TENM4: variants seen among roughly 807,000 people sequenced by gnomAD.
The protein encoded by TENM4 is teneurin-4.
A neutral mutation model predicts 243.3 loss-of-function variants in TENM4; 82 were observed. The ratio of observed to expected loss-of-function variants is 0.34; its 90% CI spans 0.28 to 0.40. The LOEUF is 0.40. Among genes scored for constraint, TENM4 ranks in the 10% least tolerant of loss-of-function variants. The pLI, the probability that TENM4 is intolerant of heterozygous loss-of-function variation, is 1.00. For synonymous variants in TENM4, 1,412 were observed against 1,456.3 expected (o/e 0.97, Z 0.69); for missense variants, 3,138 against 3,673.3 (o/e 0.85, Z 3.77).
At chr11:79,437,353 A>G (rs1341197025) in intron 1 of TENM4, among the ~76,000 whole-genome samples, 1 of 152,220 alleles carries the variant, frequency 6.6e-6, no homozygotes, top group African/African-American at 2.4e-5. Flanking sequence ...CTGAAAGCCC[A>G]ACTGCAGAGC....
intron 6 of TENM4, among the ~76,000 whole-genome samples, chr11:78,948,944 G>A (rs1009596477): frequency 2.0e-5 from 3 of 152,200 alleles, no homozygotes; most frequent in East Asian, 1.9e-4. Context: ...GTGATGAGAC[G>A]TACATCTTAC....
At chr11:79,113,392 G>GGTGTGTGTGTGTGTGTGTGTGT (rs113144339) in intron 4 of TENM4, among the ~76,000 whole-genome samples, 19 of 145,080 alleles carry the variant, frequency 1.3e-4, no homozygotes, top group East Asian at 8.1e-4. Flanking sequence ...CTATTGGATT[G>GGTGTGTGTGTGTGTGTGTGTGT]GTGTGTGTGT....
At chr11:79,402,467 T>C (rs1173986150) in intron 1 of TENM4, among the ~76,000 whole-genome samples, 1 of 152,178 alleles carries the variant, frequency 6.6e-6, no homozygotes, top group Non-Finnish European at 1.5e-5. Flanking sequence ...AAAAATACAC[T>C]TGCTAAGAGT....
At chr11:79,085,333 C>T (rs1296083960) in intron 4 of TENM4, among the ~76,000 whole-genome samples, 60 of 149,790 alleles carry the variant, frequency 4.0e-4, no homozygotes, top group Non-Finnish European at 1.8e-4. Flanking sequence ...GCTGAGATCG[C>T]GCCACTGCAC....
chr11:78,855,040 T>C (rs927935087), intron 11 of TENM4, among the ~76,000 whole-genome samples: 4 of 152,050 alleles, frequency 2.6e-5, no homozygotes, highest in African/African-American at 9.7e-5. Flanking sequence ...AGCAAGCAAA[T>C]TGGGTAGTTA....
At chr11:78,822,161 C>T (rs493471) in intron 12 of TENM4, among the ~76,000 whole-genome samples, 82,622 of 151,974 alleles carry the variant, frequency 0.54, 25,462 homozygotes, top group African/African-American at 0.84. Flanking sequence ...AAAGATGAAG[C>T]GTATGACATC....
At chr11:78,827,576 G>A (rs1259188466) in intron 12 of TENM4, among the ~76,000 whole-genome samples, 1 of 151,892 alleles carries the variant, frequency 6.6e-6, no homozygotes, top group African/African-American at 2.4e-5. Context: ...TGAAACCTCC[G>A]CCTCCCGGGT....
intron 6 of TENM4, among the ~76,000 whole-genome samples, chr11:79,034,399 T>C (rs1445432675): frequency 6.6e-6 from 1 of 152,192 alleles, no homozygotes; most frequent in Non-Finnish European, 1.5e-5. Flanking sequence ...AATGCTATTC[T>C]GCTGCCTTAT....
intron 6 of TENM4, among the ~76,000 whole-genome samples, chr11:78,934,447 G>A (rs1175732017): frequency 6.6e-6 from 1 of 152,080 alleles, no homozygotes; most frequent in African/African-American, 2.4e-5. Flanking sequence ...CGTGTCTTGG[G>A]GACATCTCAG....
At chr11:78,702,463 C>T (rs1343121308) in intron 27 of TENM4, 60 bp from the exon 28 acceptor site, 2 of 1,561,122 alleles carry the variant, frequency 1.3e-6, no homozygotes, top group Non-Finnish European at 1.7e-6. Context: ...TAATCCATCC[C>T]ATAGCCCATG....
intron 19 of TENM4, among the ~76,000 whole-genome samples, chr11:78,750,948 C>T (rs904200192): frequency 1.3e-5 from 2 of 151,982 alleles, no homozygotes; most frequent in African/African-American, 4.8e-5. Context: ...GGAGTGATCT[C>T]TGCTCTCTGC....
intron 10 of TENM4, among the ~76,000 whole-genome samples, chr11:78,862,268 A>G (rs1565411629): frequency 1.3e-5 from 2 of 151,918 alleles, no homozygotes; most frequent in African/African-American, 4.8e-5. Context: ...TGGCTGTGTG[A>G]CTCTGGCCAA....
At chr11:79,167,861 G>A (rs1051926565) in intron 3 of TENM4, among the ~76,000 whole-genome samples, 1 of 152,184 alleles carries the variant, frequency 6.6e-6, no homozygotes, top group East Asian at 1.9e-4. Context: ...TGTGGCTGGG[G>A]CACCTACCCT....
intron 6 of TENM4, among the ~76,000 whole-genome samples, chr11:78,967,569 C>T (rs369690220): frequency 1.2e-4 from 18 of 152,104 alleles, no homozygotes; most frequent in East Asian, 1.2e-3. Flanking sequence ...TGGCTCAGCT[C>T]GGGCAGGATG....
chr11:78,988,727 T>G (rs1857975275), intron 6 of TENM4, among the ~76,000 whole-genome samples: 1 of 152,250 alleles, frequency 6.6e-6, no homozygotes, highest in Non-Finnish European at 1.5e-5. Flanking sequence ...TAGGCTAGAC[T>G]GCAGTGGCAT....
intron 6 of TENM4, among the ~76,000 whole-genome samples, chr11:78,948,424 A>C (rs890351722): frequency 6.8e-6 from 1 of 146,008 alleles, no homozygotes; most frequent in Non-Finnish European, 1.5e-5. Flanking sequence ...CCCAGGCTGG[A>C]ATGCAGTGGC....
Position 78,657,119 on chromosome 11 carries a change from C to CA in TENM4, c.*938dup. The stretch of plus-strand genomic sequence containing the variant: ...CATGGGTGGCCTTCTGTTCTGTGGA[C>CA]ATGGTGCCCACATTGAAGGCTTGCT... On this transcript the variant is annotated 3_prime_UTR_variant, in exon 34 of 34. Coordinates refer to ENST00000278550, the MANE Select transcript of TENM4 (RefSeq NM_001098816.3). The CA allele has an allele frequency of 2.5e-6, 1 of 398,690 alleles. No homozygotes were observed. The highest frequency in any genetic ancestry group is 3.6e-5 in the East Asian group (1 of 28,062). The allele number at this position is 398,690 out of a possible 1,614,324, so 24.7% of individuals were successfully genotyped here.
chr11:79,422,034 G>C (rs570322740), intron 1 of TENM4: 1 of 152,622 alleles, frequency 6.6e-6, no homozygotes, highest in South Asian at 2.1e-4. Flanking sequence ...GGGACCTCCT[G>C]CTAGGGCTGC....
intron 6 of TENM4, among the ~76,000 whole-genome samples, chr11:78,954,040 A>C: frequency 6.6e-6 from 1 of 152,168 alleles, no homozygotes; most frequent in East Asian, 1.9e-4. Flanking sequence ...TAGTTGTTTA[A>C]TCTCAAACAC....
Sources: allele counts gnomAD v4.1 joint callset (sites outside exome capture counted in the v4.1 genomes callset), GRCh38; gene constraint gnomAD v4.1.1; transcripts MANE v1.5; gene names NCBI Gene and HGNC (gene_info 2026-07-23, HGNC 2026-07-21).